HOOK1: variants seen among roughly 807,000 people sequenced by gnomAD.
HOOK1 encodes the protein protein Hook homolog 1.
In HOOK1, 60 loss-of-function variants were observed where a neutral mutation model predicts 112.8. The observed-to-expected ratio is 0.53, with a 90% CI of 0.43 to 0.66. The LOEUF (loss-of-function observed/expected upper bound fraction) is 0.66, where lower values mean the gene tolerates loss of function less well. HOOK1 is among the 30% of genes least tolerant of loss of function. The probability of loss-of-function intolerance (pLI) is 0.00; values close to 1 mark genes in which losing one functional copy is unlikely to be tolerated. For synonymous variants in HOOK1, 294 were observed against 283.8 expected, an observed-to-expected ratio of 1.04 and a Z score of -0.36; for missense variants, 770 against 856.0, an observed-to-expected ratio of 0.90 and a Z score of 1.25.
At chr1:59,843,679 T>G in intron 9 of HOOK1, 81 bp downstream of exon 9, 1 of 1,069,454 alleles carries the variant, frequency 9.4e-7, no homozygotes, top group Non-Finnish European at 1.3e-6. Flanking sequence ...AACAGCTAAT[T>G]ACTAAGCATT....
chr1:59,840,603 T>G (rs1040016285), intron 8 of HOOK1, among the ~76,000 whole-genome samples: 4 of 152,142 alleles, frequency 2.6e-5, no homozygotes, highest in African/African-American at 9.7e-5. Context: ...TAACTTTCTT[T>G]GAGAAAATCA....
intron 9 of HOOK1, among the ~76,000 whole-genome samples, chr1:59,846,184 A>G (rs1222278952): frequency 6.6e-6 from 1 of 151,778 alleles, no homozygotes; most frequent in Non-Finnish European, 1.5e-5. Flanking sequence ...CTCAGTGTCT[A>G]TGGTTATTTA....
chr1:59,815,381 T>TG lies in HOOK1; in HGVS notation c.63+206dup. 6 of 586,036 alleles carry TG rather than the reference T, an allele frequency of 1.0e-5. No homozygotes were observed. The South Asian group carries it at 1.2e-4, about 12-fold the overall frequency. The allele number at this position is 586,036 out of a possible 1,614,324, so 36.3% of individuals were successfully genotyped here. A position where few individuals can be genotyped will look rare whatever the true frequency, so the allele number is the denominator to read the frequency against. On this transcript the variant is annotated intron_variant, in intron 1 of 21. Coordinates refer to ENST00000371208, the MANE Select transcript of HOOK1 (RefSeq NM_015888.6). ...GTGGGCGCGGGTTGGTGTCCGGGGG[T>TG]GGGGGTAAAGGAAGCTCTGGGAGCG...
chr1:59,862,153 A>G (rs187853609), intron 15 of HOOK1, among the ~76,000 whole-genome samples: 44 of 152,320 alleles, frequency 2.9e-4, no homozygotes, highest in Admixed American at 2.9e-3. Flanking sequence ...GATAATTGCT[A>G]TATTATGTGA....
chr1:59,852,757 G>C (rs1256227713), intron 12 of HOOK1, among the ~76,000 whole-genome samples: 1 of 150,044 alleles, frequency 6.7e-6, no homozygotes, highest in Non-Finnish European at 1.5e-5. Context: ...AATTTTTCTT[G>C]ATTTTTTTTA....
chr1:59,816,686 G>A (rs2098381783), intron 1 of HOOK1, among the ~76,000 whole-genome samples: 1 of 152,320 alleles, frequency 6.6e-6, no homozygotes, highest in South Asian at 2.1e-4. Context: ...GGACTGGAGT[G>A]GTAGCCAGAG....
At chr1:59,841,457 A>T (rs2098400981) in intron 8 of HOOK1, among the ~76,000 whole-genome samples, 1 of 152,136 alleles carries the variant, frequency 6.6e-6, no homozygotes, top group Admixed American at 6.6e-5. Flanking sequence ...CTAGTCACTT[A>T]GGGCAGTGGG....
rs1351608850 is a variant in HOOK1 at position 59,833,458 on chromosome 1, C to T, written c.327C>T (p.Thr109=). 12 of 1,584,704 alleles carry T rather than the reference C, an allele frequency of 7.6e-6. No homozygotes were observed. Among genetic ancestry groups the T allele is most frequent in the African/African-American group, 4.0e-5 (3 of 74,522 alleles). Residue 109 remains threonine, a synonymous_variant, in exon 5 of 22, where the codon ACC becomes ACT. Coordinates refer to ENST00000371208, the MANE Select transcript of HOOK1 (RefSeq NM_015888.6). ...TTATCCCTGATTTAAACCAAATAAC[C>T]GAATGTTCAGATCCAGTGGAGCTTG... The part of the protein sequence containing the change: ...EALIPDLNQI[T]ECSDPVELGR...
At position 59,832,198 on chromosome 1, in the gene HOOK1, G is replaced by A. The variant is rs1465579631; in HGVS notation, c.258G>A (p.Met86Ile). ...SNVKKVLQGI[M>I]SYYHEFLGQQ... ...TAAAGAAGGTCCTTCAAGGAATTAT[G>A]AGTTATTATCATGAGGTATGAAAAC... Residue 86 changes from methionine (M) to isoleucine (I), a missense_variant, in exon 4 of 22, where the codon ATG becomes ATA. Physicochemically the swap from Met to Ile is conservative, Grantham distance 10 (BLOSUM62 1). This residue lies in a region of HOOK1 where 655 missense variants were observed against 725.9 expected (regional missense o/e 0.90). Coordinates refer to ENST00000371208, the MANE Select transcript of HOOK1 (RefSeq NM_015888.6). The A allele has an allele frequency of 1.3e-6, 2 of 1,558,186 alleles. No individual in the cohort carries two copies. The highest frequency in any genetic ancestry group is 1.7e-6 in the Non-Finnish European group (2 of 1,145,836).
chr1:59,836,181 G>A (rs1239195154), intron 6 of HOOK1, among the ~76,000 whole-genome samples: 3 of 152,114 alleles, frequency 2.0e-5, no homozygotes, highest in Non-Finnish European at 4.4e-5. Flanking sequence ...TACCAGGTAA[G>A]TTGGATTAAA....
intron 12 of HOOK1, among the ~76,000 whole-genome samples, chr1:59,855,835 C>T (rs2102057789): frequency 6.7e-6 from 1 of 149,232 alleles, no homozygotes; most frequent in African/African-American, 2.5e-5. Context: ...TGCAGTGGCG[C>T]AGTCATGGCT....
Position 59,815,010 on chromosome 1 carries a change from T to C in HOOK1, c.-108T>C. The C allele has an allele frequency of 8.6e-7, 1 of 1,168,628 alleles. No individual in the cohort carries two copies. The highest frequency in any genetic ancestry group is 1.3e-5 in the South Asian group (1 of 75,038). 72.4% of individuals were successfully genotyped at this position (1,168,628 alleles called of 1,614,324 possible). On this transcript the variant is annotated 5_prime_UTR_variant, in exon 1 of 22. Transcript: ENST00000371208. Reference sequence around the variant, plus strand: ...CGTGAGCTGCGCGGGTCGGGCCTGGTACCGAGCTTTCCTGGGGGCTAGCAG... The same window carrying C: ...CGTGAGCTGCGCGGGTCGGGCCTGGCACCGAGCTTTCCTGGGGGCTAGCAG...
At chr1:59,834,018 G>T (rs2098395879) in intron 5 of HOOK1, among the ~76,000 whole-genome samples, 1 of 152,264 alleles carries the variant, frequency 6.6e-6, no homozygotes, top group East Asian at 1.9e-4. Context: ...TGGAATTGAT[G>T]CATTATATTG....
chr1:59,833,796 C>T (rs1248338018), intron 5 of HOOK1, among the ~76,000 whole-genome samples: 4 of 152,188 alleles, frequency 2.6e-5, no homozygotes, highest in African/African-American at 7.2e-5. Flanking sequence ...ATACCCAGTA[C>T]ATAAGACTTA....
intron 19 of HOOK1, among the ~76,000 whole-genome samples, chr1:59,867,625 C>T (rs1274091382): frequency 6.6e-6 from 1 of 152,130 alleles, no homozygotes; most frequent in Non-Finnish European, 1.5e-5. Flanking sequence ...TAACAGATTG[C>T]TATCTCCATA....
chr1:59,861,469 G>GATCTT (rs2102066614), intron 15 of HOOK1, among the ~76,000 whole-genome samples: 1 of 152,272 alleles, frequency 6.6e-6, no homozygotes, highest in South Asian at 2.1e-4. Context: ...TAAAGCAAAT[G>GATCTT]ATGTGCTTAT....
intron 1 of HOOK1, among the ~76,000 whole-genome samples, chr1:59,818,603 T>C (rs2098383282): frequency 6.6e-6 from 1 of 152,242 alleles, no homozygotes; most frequent in Non-Finnish European, 1.5e-5. Context: ...ATTGGAAATT[T>C]GTTTAATATC....
At position 59,840,290 on chromosome 1, in the gene HOOK1, G is replaced by C. The variant is rs775630012; in HGVS notation, c.538-18G>C. On this transcript the variant is annotated intron_variant, in intron 7 of 21. Transcript: ENST00000371208. ...TCAAAACACGATTTACTAAGATTTA[G>C]GACATTTTGTATTTCAGCTTAAAAG... 4.6e-6 allele frequency: 7 copies of C among 1,537,306 alleles called. No homozygotes were observed. Among genetic ancestry groups the C allele is most frequent in the Non-Finnish European group, 6.1e-6 (7 of 1,142,506 alleles).
chr1:59,842,321 A>C (rs957273228), intron 8 of HOOK1, among the ~76,000 whole-genome samples: 23 of 152,204 alleles, frequency 1.5e-4, no homozygotes, highest in African/African-American at 5.3e-4. Flanking sequence ...TGGGGGCAGA[A>C]ACTCTTTATT....
Sources: allele counts gnomAD v4.1 joint callset (sites outside exome capture counted in the v4.1 genomes callset), GRCh38; gene constraint gnomAD v4.1.1; regional missense constraint gnomAD v4.1.1; transcripts MANE v1.5; gene names NCBI Gene and HGNC (gene_info 2026-07-23, HGNC 2026-07-21).